The following PCLO variants were observed in gnomAD, a reference collection of about 807,000 sequenced individuals.
The protein encoded by PCLO is protein piccolo.
Under a neutral mutation model 427.5 loss-of-function variants are expected in PCLO, and 82 were observed. That is an observed-to-expected ratio of 0.19 (90% CI 0.16 to 0.23). The LOEUF is 0.23. Among genes scored for constraint, PCLO ranks in the 10% least tolerant of loss-of-function variants. PCLO has a pLI of 1.00. For synonymous variants in PCLO, 2,357 were observed against 2,155.4 expected (o/e 1.09, Z -2.59); for missense variants, 6,239 against 6,115.9 (o/e 1.02, Z -0.67).
At chr7:82,913,803 TAAGTA>T (rs756858784) in intron 7 of PCLO, among the ~76,000 whole-genome samples, 5 of 152,074 alleles carry the variant, frequency 3.3e-5, no homozygotes, top group Non-Finnish European at 5.9e-5. Flanking sequence ...AGTTTTTAGT[TAAGTA>T]TTTACTTGTT....
intron 6 of PCLO, among the ~76,000 whole-genome samples, chr7:82,922,157 C>T (rs1332816629): frequency 6.6e-6 from 1 of 151,938 alleles, no homozygotes; most frequent in African/African-American, 2.4e-5. Flanking sequence ...ATTAGTTCAG[C>T]CACTGTGGAA....
chr7:83,074,770 C>A (rs1359122138), intron 3 of PCLO, among the ~76,000 whole-genome samples: 2 of 152,140 alleles, frequency 1.3e-5, no homozygotes, highest in African/African-American at 4.8e-5. Context: ...AGAGAATATT[C>A]TTGATCCAAA....
At chr7:82,918,840 A>G (rs1282334079) in intron 6 of PCLO, among the ~76,000 whole-genome samples, 3 of 152,104 alleles carry the variant, frequency 2.0e-5, no homozygotes, top group African/African-American at 7.2e-5. Context: ...AAAGAGGAGA[A>G]TATGAAATGA....
chr7:82,917,417 T>C (rs775740488), intron 6 of PCLO, among the ~76,000 whole-genome samples: 2 of 152,098 alleles, frequency 1.3e-5, no homozygotes, highest in South Asian at 2.1e-4. Flanking sequence ...TGCAGTATAG[T>C]TTCTTTTTAA....
intron 22 of PCLO, among the ~76,000 whole-genome samples, chr7:82,778,168 C>A (rs1790795205): frequency 6.6e-6 from 1 of 152,034 alleles, no homozygotes; most frequent in Non-Finnish European, 1.5e-5. Flanking sequence ...TGAAAAAAAG[C>A]TGAATATCAC....
At chr7:83,122,749 C>T (rs4634569) in intron 3 of PCLO, among the ~76,000 whole-genome samples, 74,679 of 152,022 alleles carry the variant, frequency 0.49, 19,271 homozygotes, top group East Asian at 0.69. Flanking sequence ...AACTTAAAGA[C>T]TCCACCAGAA....
intron 8 of PCLO, among the ~76,000 whole-genome samples, chr7:82,904,544 C>G (rs1252830280): frequency 6.6e-6 from 1 of 151,994 alleles, no homozygotes; most frequent in African/African-American, 2.4e-5. Context: ...TTATTTCAAT[C>G]TCTTCTAATC....
intron 3 of PCLO, among the ~76,000 whole-genome samples, chr7:83,010,106 G>A (rs148415319): frequency 1.1e-4 from 17 of 151,828 alleles, no homozygotes; most frequent in Admixed American, 7.9e-4. Flanking sequence ...GGATTAAAGG[G>A]GTAACTGTCA....
At chr7:83,059,614 T>C (rs1789494508) in intron 3 of PCLO, among the ~76,000 whole-genome samples, 2 of 151,950 alleles carry the variant, frequency 1.3e-5, no homozygotes, top group African/African-American at 2.4e-5. Context: ...TCTCCATGCA[T>C]TATTGACAAA....
intron 3 of PCLO, among the ~76,000 whole-genome samples, chr7:83,105,329 C>T (rs1790827130): frequency 6.6e-6 from 1 of 152,098 alleles, no homozygotes; most frequent in Non-Finnish European, 1.5e-5. Flanking sequence ...TACACTTACA[C>T]CAGAAGCAAA....
At chr7:82,790,552 T>G (rs1791080095) in intron 22 of PCLO, among the ~76,000 whole-genome samples, 1 of 152,220 alleles carries the variant, frequency 6.6e-6, no homozygotes, top group Non-Finnish European at 1.5e-5. Flanking sequence ...CCAGGAAGGC[T>G]TTTCTTATCC....
intron 22 of PCLO, among the ~76,000 whole-genome samples, chr7:82,778,243 C>T (rs1014789685): frequency 6.6e-6 from 1 of 151,912 alleles, no homozygotes; most frequent in African/African-American, 2.4e-5. Flanking sequence ...CATAATGGCT[C>T]TTATTAAAAA....
chr7:82,941,840 T>A (rs945688064), intron 6 of PCLO, among the ~76,000 whole-genome samples: 30 of 152,282 alleles, frequency 2.0e-4, no homozygotes, highest in African/African-American at 7.2e-4. Context: ...TTTAGCATAA[T>A]ATAGAATCCT....
chr7:82,914,883 C>A lies in PCLO; in HGVS notation c.13103G>T (p.Gly4368Val), dbSNP rs1420648934. The change falls in exon 7 of 25, where the codon GGC (glycine) becomes GTC (valine). Residue 4368 changes from glycine to valine, a missense_variant. Transcript: ENST00000333891. ...SEEESPLSPV[G>V]QPMGMARAAA... is the part of the protein sequence containing the mutation. ...AGCCCTGGCCATTCCCATTGGCTGG[C>A]CAACAGGACTGAGTGGGCTTTCTTC... is the stretch of plus-strand genomic sequence containing the variant. 5.0e-6 allele frequency: 8 copies of A among 1,613,466 alleles called. No individual in the cohort carries two copies. The highest frequency in any genetic ancestry group is 6.8e-6 in the Non-Finnish European group (8 of 1,179,696).
At chr7:83,106,432 G>A (rs569981716) in intron 3 of PCLO, among the ~76,000 whole-genome samples, 14 of 152,184 alleles carry the variant, frequency 9.2e-5, no homozygotes, top group African/African-American at 3.4e-4. Flanking sequence ...ATTCCACTCT[G>A]GCGAAGTAAA....
rs186928629 is a variant in PCLO, at chr7:83,120,491, G to A, written c.3300+13759C>T. Among the ~76,000 whole-genome samples, 214 of 151,080 alleles carry A rather than the reference G, an allele frequency of 1.4e-3. 1 individual carries two copies. The highest frequency in any genetic ancestry group is 3.5e-3 in the Middle Eastern group (1 of 288). ...GTTACCAATATTCAAGTACAAGCAGGTCATAGAGCACCAGCAGATTTAACC... is the reference window on the plus strand; with the variant it reads ...GTTACCAATATTCAAGTACAAGCAGATCATAGAGCACCAGCAGATTTAACC... On this transcript the variant is annotated intron_variant, in intron 3 of 24. Transcript: ENST00000333891.
chr7:82,974,483 G>A (rs754036736), intron 3 of PCLO, among the ~76,000 whole-genome samples: 43 of 152,088 alleles, frequency 2.8e-4, no homozygotes, highest in Non-Finnish European at 4.6e-4. Flanking sequence ...CCAATGATGC[G>A]CTAAACTTAT....
intron 9 of PCLO, among the ~76,000 whole-genome samples, chr7:82,892,457 C>A (rs185242251): frequency 6.6e-6 from 1 of 152,208 alleles, no homozygotes; most frequent in East Asian, 1.9e-4. Context: ...CATGTTAGAC[C>A]TAAAACCATA....
At chr7:83,031,746 C>G (rs1368036299) in intron 3 of PCLO, among the ~76,000 whole-genome samples, 2 of 150,532 alleles carry the variant, frequency 1.3e-5, no homozygotes, top group Non-Finnish European at 3.0e-5. Flanking sequence ...CTCCCCCTCC[C>G]TCTCTCTCTC....
Sources: allele counts gnomAD v4.1 joint callset (sites outside exome capture counted in the v4.1 genomes callset), GRCh38; gene constraint gnomAD v4.1.1; transcripts MANE v1.5; gene names NCBI Gene and HGNC (gene_info 2026-07-23, HGNC 2026-07-21).